Variants in ZBTB7C observed in about 807,000 individuals in gnomAD.
The protein encoded by ZBTB7C is zinc finger and BTB domain containing 7C.
Under a neutral mutation model 25.7 loss-of-function variants are expected in ZBTB7C, and 8 were observed. That is an observed-to-expected ratio of 0.31 (90% CI 0.18 to 0.56). ZBTB7C has a LOEUF of 0.56. ZBTB7C is among the 20% of genes least tolerant of loss of function. ZBTB7C has a pLI of 0.91. For synonymous variants in ZBTB7C, 394 were observed against 369.0 expected, an observed-to-expected ratio of 1.07 and a Z score of -0.78; for missense variants, 824 against 855.2, an observed-to-expected ratio of 0.96 and a Z score of 0.46.
intron 2 of ZBTB7C, among the ~76,000 whole-genome samples, chr18:48,298,271 C>A (rs1474458073): frequency 7.4e-6 from 1 of 135,024 alleles, no homozygotes; most frequent in Non-Finnish European, 1.6e-5. Context: ...TGGAGCGAGA[C>A]TCTGTCTCAA....
chr18:48,107,042 T>C (rs889324392), intron 3 of ZBTB7C, among the ~76,000 whole-genome samples: 1 of 148,384 alleles, frequency 6.7e-6, no homozygotes, highest in Non-Finnish European at 1.5e-5. Context: ...AATATCAGGA[T>C]GCGGAGTTTA....
At chr18:48,394,492 A>G (rs1045561933) in intron 1 of ZBTB7C, among the ~76,000 whole-genome samples, 6 of 152,216 alleles carry the variant, frequency 3.9e-5, no homozygotes, top group Non-Finnish European at 7.3e-5. Context: ...ATTCATTTTG[A>G]TAAATCTTTT....
At chr18:48,294,040 C>T (rs554006791) in intron 2 of ZBTB7C, among the ~76,000 whole-genome samples, 4 of 152,310 alleles carry the variant, frequency 2.6e-5, no homozygotes, top group African/African-American at 9.6e-5. Context: ...CTATGGCCAC[C>T]GTGGGAGTCA....
chr18:48,194,486 C>G (rs2042271145), intron 2 of ZBTB7C, among the ~76,000 whole-genome samples: 1 of 152,172 alleles, frequency 6.6e-6, no homozygotes, highest in African/African-American at 2.4e-5. Context: ...CTGGTGAGAA[C>G]TAAGTGCAGC....
At chr18:48,386,518 C>T (rs2145231755) in intron 1 of ZBTB7C, among the ~76,000 whole-genome samples, 1 of 152,340 alleles carries the variant, frequency 6.6e-6, no homozygotes, top group South Asian at 2.1e-4. Flanking sequence ...GGTTTACCCA[C>T]AGCGACCATA....
chr18:48,251,552 C>T (rs1003312798), intron 2 of ZBTB7C, among the ~76,000 whole-genome samples: 2 of 152,164 alleles, frequency 1.3e-5, no homozygotes, highest in African/African-American at 4.8e-5. Context: ...CAGGTGAATG[C>T]CAGCAGCTGT....
intron 2 of ZBTB7C, among the ~76,000 whole-genome samples, chr18:48,244,972 A>T (rs1177205165): frequency 6.6e-6 from 1 of 151,922 alleles, no homozygotes; most frequent in Non-Finnish European, 1.5e-5. Flanking sequence ...AGAAGTCATT[A>T]TATGAAAAAG....
chr18:48,340,209 A>G (rs2046564081), intron 1 of ZBTB7C, among the ~76,000 whole-genome samples: 1 of 152,242 alleles, frequency 6.6e-6, no homozygotes, highest in African/African-American at 2.4e-5. Flanking sequence ...AACCTAGGAC[A>G]TTCCTACTTA....
intron 2 of ZBTB7C, among the ~76,000 whole-genome samples, chr18:48,308,941 C>T (rs1376778593): frequency 6.6e-6 from 1 of 152,104 alleles, no homozygotes; most frequent in African/African-American, 2.4e-5. Context: ...TTAAGCAGAC[C>T]CTCCCCTCAG....
chr18:48,228,848 C>A (rs573798165), intron 2 of ZBTB7C, among the ~76,000 whole-genome samples: 1 of 152,048 alleles, frequency 6.6e-6, no homozygotes, highest in South Asian at 2.1e-4. Context: ...GGTGTGCACA[C>A]CCTCTCATAC....
At chr18:48,050,955 C>T (rs1056096058) in intron 3 of ZBTB7C, among the ~76,000 whole-genome samples, 9 of 152,128 alleles carry the variant, frequency 5.9e-5, no homozygotes, top group East Asian at 5.8e-4. Context: ...ATTTTGCCAA[C>T]GAGAAACCTA....
At chr18:48,084,180 G>T (rs2038096408) in intron 3 of ZBTB7C, among the ~76,000 whole-genome samples, 1 of 152,178 alleles carries the variant, frequency 6.6e-6, no homozygotes, top group Admixed American at 6.5e-5. Flanking sequence ...AGGAGAGAAT[G>T]AAAGGTCTCA....
intron 2 of ZBTB7C, among the ~76,000 whole-genome samples, chr18:48,202,539 GAGGGTGGGTGTGCAAGCTAAACATGCAA>G (rs949848443): frequency 2.0e-5 from 3 of 151,942 alleles, no homozygotes; most frequent in Non-Finnish European, 4.4e-5. Flanking sequence ...AGCGGGCTGC[GAGGGTGGGTGTGCAAGCTAAACATGCAA>G]AGGAACCCCA....
intron 2 of ZBTB7C, among the ~76,000 whole-genome samples, chr18:48,259,012 C>A (rs977816878): frequency 6.7e-6 from 1 of 150,066 alleles, no homozygotes; most frequent in South Asian, 2.1e-4. Context: ...TGCAGTGGTG[C>A]GATCTCAGCT....
intron 3 of ZBTB7C, among the ~76,000 whole-genome samples, chr18:48,134,090 ATTT>A (rs35281038): frequency 0.073 from 10,148 of 139,044 alleles, 364 homozygotes; most frequent in South Asian, 0.11. Flanking sequence ...CAAACCCAGG[ATTT>A]TTTTTTTTTT....
intron 2 of ZBTB7C, among the ~76,000 whole-genome samples, chr18:48,281,276 G>T (rs972445103): frequency 6.6e-6 from 1 of 152,094 alleles, no homozygotes; most frequent in Non-Finnish European, 1.5e-5. Context: ...GCTGAAACTG[G>T]ATCCCTTCCT....
intron 1 of ZBTB7C, among the ~76,000 whole-genome samples, chr18:48,393,408 G>A (rs576901387): frequency 7.9e-5 from 12 of 151,782 alleles, no homozygotes; most frequent in African/African-American, 2.4e-4. Flanking sequence ...CTAGAGTCAC[G>A]GCCTCACCAA....
At chr18:48,213,480 T>C (rs1406764468) in intron 2 of ZBTB7C, among the ~76,000 whole-genome samples, 1 of 152,226 alleles carries the variant, frequency 6.6e-6, no homozygotes, top group East Asian at 1.9e-4. Context: ...TGGTTTCTCC[T>C]GTGCGTGCTA....
chr18:48,310,490 C>A (rs7236706), intron 2 of ZBTB7C, among the ~76,000 whole-genome samples: 2 of 151,766 alleles, frequency 1.3e-5, no homozygotes, highest in South Asian at 2.1e-4. Context: ...GAACAAGCAG[C>A]CTTTCTGTCT....
Sources: gnomAD v4.1 joint callset for allele counts (sites outside exome capture counted in the v4.1 genomes callset) on GRCh38, gnomAD v4.1.1 for gene constraint, MANE v1.5 for transcripts, NCBI Gene and HGNC (gene_info 2026-07-23, HGNC 2026-07-21) for gene names.